SPTA1: variants seen among roughly 807,000 people sequenced by gnomAD.
SPTA1 encodes the protein spectrin alpha, erythrocytic 1.
In SPTA1, 177 loss-of-function variants were observed where a neutral mutation model predicts 324.7. That is an observed-to-expected ratio of 0.55 (90% CI 0.48 to 0.62). SPTA1 has a LOEUF of 0.62. SPTA1 is among the 20% of genes least tolerant of loss of function. SPTA1 has a pLI of 0.00. For synonymous variants in SPTA1, 1,195 were observed against 1,041.3 expected (o/e 1.15, Z -2.84); for missense variants, 3,162 against 2,883.6 (o/e 1.10, Z -2.21).
intron 11 of SPTA1, 92 bp from the exon 12 acceptor site, chr1:158,671,545 G>T: frequency 9.9e-7 from 1 of 1,013,540 alleles, no homozygotes; most frequent in East Asian, 2.4e-5. Flanking sequence ...TAAGGCAGGA[G>T]GGAACAAGGT....
In SPTA1 at chr1:158,657,581, A is replaced by G; in HGVS notation, c.2701T>C (p.Phe901Leu). The G allele has an allele frequency of 6.2e-7, 1 of 1,614,134 alleles. No homozygotes were observed. The highest frequency in any genetic ancestry group is 8.5e-7 in the Non-Finnish European group (1 of 1,180,020). Residue 901 changes from phenylalanine (F) to leucine (L), a missense_variant, in exon 19 of 52, where the codon TTC becomes CTC. Phe to Leu is a conservative substitution (Grantham distance 22). Coordinates refer to ENST00000643759, the MANE Select transcript of SPTA1 (RefSeq NM_003126.4). ...TGCAGGTCAGCCAGGTACTGCTGGA[A>G]CTGGACATTGGCTTCAAGATCATTT... ...RQNDLEANVQ[F>L]QQYLADLHEA...
At chr1:158,635,609 GCA>G (rs1191202976) in intron 38 of SPTA1, among the ~76,000 whole-genome samples, 1 of 152,168 alleles carries the variant, frequency 6.6e-6, no homozygotes, top group Non-Finnish European at 1.5e-5. Flanking sequence ...GGGAGATAAA[GCA>G]GAACAGATGT....
chr1:158,642,900 G>C lies in SPTA1; in HGVS notation c.4519C>G (p.Arg1507Gly). 6.2e-7 allele frequency: 1 copy of C among 1,613,778 alleles called. No homozygotes were observed. Among genetic ancestry groups the C allele is most frequent in the Non-Finnish European group, 8.5e-7 (1 of 1,179,856 alleles). ...GDYANLKQFY[R>G]DLEELEEWIS... ...CATTCTTCCAGCTCCTCAAGGTCTC[G>C]GTAGAATTGTTTTAGGTTGGCATAG... is the stretch of plus-strand genomic sequence containing the variant. The change falls in exon 32 of 52, where the codon CGA (arginine) becomes GGA (glycine). Residue 1507 changes from arginine to glycine, a missense_variant. Transcript: ENST00000643759.
At chr1:158,669,610 A>T (rs550649465) in intron 13 of SPTA1, 47 bp from the exon 14 acceptor site, 1 of 1,614,080 alleles carries the variant, frequency 6.2e-7, no homozygotes, top group African/African-American at 1.3e-5. Flanking sequence ...CCAAATATGG[A>T]CATGTGAGAT....
intron 19 of SPTA1, among the ~76,000 whole-genome samples, chr1:158,656,880 C>G (rs1306906365): frequency 2.0e-5 from 3 of 152,078 alleles, no homozygotes; most frequent in Non-Finnish European, 4.4e-5. Context: ...CTCAAACTTG[C>G]AAAAGTATTT....
At chr1:158,674,768 T>C in intron 8 of SPTA1, 93 bp from the exon 9 acceptor site, 1 of 1,512,548 alleles carries the variant, frequency 6.6e-7, no homozygotes, top group Non-Finnish European at 9.1e-7. Context: ...GTAAGATGTG[T>C]GAGATGCTCC....
At chr1:158,668,162 C>G in intron 14 of SPTA1, 100 bp from the exon 15 acceptor site, 1 of 1,295,710 alleles carries the variant, frequency 7.7e-7, no homozygotes, top group Non-Finnish European at 1.1e-6. Context: ...ATCTAACGAA[C>G]GATGCTAACA....
intron 11 of SPTA1, among the ~76,000 whole-genome samples, 164 bp downstream of exon 11, chr1:158,671,895 T>A (rs1048478608): frequency 4.6e-5 from 7 of 152,216 alleles, no homozygotes; most frequent in Non-Finnish European, 7.3e-5. Flanking sequence ...TGTAGGAGCC[T>A]TATAGAAAGG....
At chr1:158,634,925 G>A (rs1439379012) in intron 38 of SPTA1, among the ~76,000 whole-genome samples, 1 of 152,122 alleles carries the variant, frequency 6.6e-6, no homozygotes, top group Admixed American at 6.6e-5. Context: ...AACTTTGCTG[G>A]AGGGAGGAAA....
intron 35 of SPTA1, among the ~76,000 whole-genome samples, chr1:158,638,878 T>C (rs1651310358): frequency 6.6e-6 from 1 of 152,044 alleles, no homozygotes; most frequent in Non-Finnish European, 1.5e-5. Context: ...CACAGATTGA[T>C]TGATTCAATA....
chr1:158,664,106 G>A (rs1653429998), intron 16 of SPTA1, among the ~76,000 whole-genome samples: 1 of 152,088 alleles, frequency 6.6e-6, no homozygotes, highest in Non-Finnish European at 1.5e-5. Flanking sequence ...CAACCATTGT[G>A]GAAGACAGTT....
intron 44 of SPTA1, among the ~76,000 whole-genome samples, chr1:158,619,715 G>A (rs1178260195): frequency 1.3e-5 from 2 of 152,180 alleles, no homozygotes; most frequent in Admixed American, 1.3e-4. Flanking sequence ...TGATATTGTG[G>A]TTAGTTTTCT....
chr1:158,615,115 C>A, intron 48 of SPTA1, 101 bp downstream of exon 48: 1 of 1,344,960 alleles, frequency 7.4e-7, no homozygotes, highest in South Asian at 1.2e-5. Context: ...TTCTCTGAAG[C>A]AACTCTTTTA....
chr1:158,671,540 C>T lies in SPTA1; in HGVS notation c.1489-87G>A, dbSNP rs187358395. The T allele has an allele frequency of 6.8e-6, 7 of 1,036,018 alleles. No homozygotes were observed. In the African/African-American group the frequency reaches 1.1e-4, roughly 16 times the overall value. 64.2% of individuals were successfully genotyped at this position (1,036,018 alleles called of 1,614,324 possible). ...CATATCTCTGAGACAAGGACTAAGG[C>T]AGGAGGGAACAAGGTGGGAATTAGC... On this transcript the variant is annotated intron_variant, in intron 11 of 51. Coordinates refer to ENST00000643759, the MANE Select transcript of SPTA1 (RefSeq NM_003126.4).
chr1:158,648,234 A>T (rs914966057), intron 26 of SPTA1, among the ~76,000 whole-genome samples: 2 of 152,140 alleles, frequency 1.3e-5, no homozygotes, highest in Admixed American at 6.5e-5. Context: ...CTGCCACAAG[A>T]TCTGGTCACT....
chr1:158,672,881 G>C (rs553063616), intron 10 of SPTA1, among the ~76,000 whole-genome samples: 2 of 151,868 alleles, frequency 1.3e-5, no homozygotes, highest in South Asian at 4.2e-4. Flanking sequence ...TGGATCACTT[G>C]AGGTCAGGAG....
At position 158,686,576 on chromosome 1, in the gene SPTA1, A is replaced by AGAGAGAG; in HGVS notation, c.-60_-59insCTCTCTC. The AGAGAGAG allele has an allele frequency of 3.8e-6, 5 of 1,331,656 alleles. No homozygotes were observed. The highest frequency in any genetic ancestry group is 5.4e-6 in the Non-Finnish European group (5 of 923,828). 82.5% of individuals were successfully genotyped at this position (1,331,656 alleles called of 1,614,324 possible). The stretch of plus-strand genomic sequence containing the variant: ...ATGTGTCAGAGAGAGAGAGAGAGAG[A>AGAGAGAG]AATAATTCAAATGGAACTGTCCAGT... On this transcript the variant is annotated 5_prime_UTR_variant, in exon 1 of 52. The change creates a premature stop within an existing upstream ORF in the 5' untranslated region. Transcript: ENST00000643759.
rs1571413434 is a variant in SPTA1 at position 158,636,731 on chromosome 1, G to A, written c.5220C>T (p.Asp1740=). The A allele has an allele frequency of 6.2e-7, 1 of 1,614,066 alleles. No individual in the cohort carries two copies. Among genetic ancestry groups the A allele is most frequent in the East Asian group, 2.2e-5 (1 of 44,878 alleles). The part of the protein sequence containing the change: ...EEKLIRVSSQ[D]YGRDLQGVQN... ...GAACCCCCTGAAGATCTCTCCCATA[G>A]TCCTGGGAGCTCACTCGTATCAACT... Residue 1740 remains aspartate (D), a synonymous_variant, in exon 37 of 52, where the codon GAC becomes GAT. Coordinates refer to ENST00000643759, the MANE Select transcript of SPTA1 (RefSeq NM_003126.4).
intron 35 of SPTA1, 95 bp from the exon 36 acceptor site, chr1:158,638,336 C>A: frequency 1.6e-6 from 2 of 1,221,160 alleles, no homozygotes; most frequent in Non-Finnish European, 2.3e-6. Flanking sequence ...AAGACTGGGC[C>A]AAATGGATTG....
Sources: allele counts gnomAD v4.1 joint callset (sites outside exome capture counted in the v4.1 genomes callset), GRCh38; gene constraint gnomAD v4.1.1; transcripts MANE v1.5; gene names NCBI Gene and HGNC (gene_info 2026-07-23, HGNC 2026-07-21).